Variants in PIWIL3 observed in about 807,000 individuals in gnomAD.
PIWIL3 encodes piwi-like protein 3.
Under a neutral mutation model 109.7 loss-of-function variants are expected in PIWIL3, and 101 were observed. The observed-to-expected ratio is 0.92, with a 90% CI of 0.78 to 1.09. The LOEUF is 1.09. Ranked by LOEUF, PIWIL3 falls within the 50% of genes least tolerant of loss-of-function variation. The probability of loss-of-function intolerance (pLI) is 0.00; values close to 1 mark genes in which losing one functional copy is unlikely to be tolerated. For missense variants in PIWIL3, 1,031 were observed against 1,072.6 expected, an observed-to-expected ratio of 0.96 and a Z score of 0.54; for synonymous variants, 373 against 376.4, an observed-to-expected ratio of 0.99 and a Z score of 0.10.
At chr22:24,734,300 CAGT>C in intron 13 of PIWIL3, 144 bp from the exon 14 acceptor site, 1 of 1,321,160 alleles carries the variant, frequency 7.6e-7, no homozygotes, top group Non-Finnish European at 1.0e-6. Flanking sequence ...AGAAAAAAGA[CAGT>C]AGACTTTCAG....
At chr22:24,722,140 T>C (rs994567249) in intron 19 of PIWIL3, among the ~76,000 whole-genome samples, 1 of 152,170 alleles carries the variant, frequency 6.6e-6, no homozygotes, top group Non-Finnish European at 1.5e-5. Flanking sequence ...TGGAGTGCAG[T>C]GGCACGATCT....
At chr22:24,725,170 T>C (rs1922917101) in intron 17 of PIWIL3, 133 bp from the exon 18 acceptor site, 1 of 1,123,738 alleles carries the variant, frequency 8.9e-7, no homozygotes, top group Non-Finnish European at 1.3e-6. Flanking sequence ...GTCCTGTCTA[T>C]TCTGGGGTTC....
intron 14 of PIWIL3, among the ~76,000 whole-genome samples, chr22:24,731,731 T>A (rs1324325332): frequency 1.3e-5 from 2 of 152,128 alleles, no homozygotes; most frequent in Non-Finnish European, 2.9e-5. Flanking sequence ...TTAGAAGGTA[T>A]ATAAGCTCTG....
chr22:24,729,017 CT>C (rs1319027057), intron 14 of PIWIL3, among the ~76,000 whole-genome samples: 4 of 152,146 alleles, frequency 2.6e-5, no homozygotes, highest in Non-Finnish European at 4.4e-5. Flanking sequence ...CGCAGAAATG[CT>C]TTTGTTCTTT....
At chr22:24,763,417 C>T (rs1925571288) in intron 1 of PIWIL3, among the ~76,000 whole-genome samples, 1 of 152,186 alleles carries the variant, frequency 6.6e-6, no homozygotes, top group Non-Finnish European at 1.5e-5. Context: ...TCTCCTGCCT[C>T]AGCCTCCTGA....
chr22:24,748,790 T>C (rs1924522567), intron 12 of PIWIL3, 117 bp downstream of exon 12: 1 of 730,866 alleles, frequency 1.4e-6, no homozygotes, highest in Non-Finnish European at 2.2e-6. Context: ...ATAGAAAGAA[T>C]GAGCAGTCTG....
At chr22:24,763,983 G>A (rs9612758) in intron 1 of PIWIL3, among the ~76,000 whole-genome samples, 33,541 of 152,170 alleles carry the variant, frequency 0.22, 4,789 homozygotes, top group East Asian at 0.52. Flanking sequence ...GGTCAGAGGC[G>A]CAAAGCCCCT....
chr22:24,764,133 C>T (rs528113744), intron 1 of PIWIL3, among the ~76,000 whole-genome samples: 1 of 152,366 alleles, frequency 6.6e-6, no homozygotes, highest in East Asian at 1.9e-4. Context: ...GCAGGCGTCG[C>T]CCCCGCCCCA....
At chr22:24,758,744 C>T (rs1048160329) in intron 3 of PIWIL3, among the ~76,000 whole-genome samples, 3 of 152,138 alleles carry the variant, frequency 2.0e-5, no homozygotes, top group Non-Finnish European at 4.4e-5. Context: ...ATTTCTGTGA[C>T]AGACTAACTA....
chr22:24,756,400 AAAC>A, intron 5 of PIWIL3, 88 bp downstream of exon 5: 1 of 1,298,836 alleles, frequency 7.7e-7, no homozygotes, highest in South Asian at 1.4e-5. Context: ...ATGTCTCAAC[AAAC>A]AACTGCACAA....
At chr22:24,757,003 C>T (rs992494115) in intron 4 of PIWIL3, among the ~76,000 whole-genome samples, 1 of 145,306 alleles carries the variant, frequency 6.9e-6, no homozygotes, top group African/African-American at 2.6e-5. Context: ...CACTTGAACC[C>T]AGGAGGCAGA....
chr22:24,769,651 C>G (rs945095805), intron 1 of PIWIL3: 8 of 152,190 alleles, frequency 5.3e-5, no homozygotes, highest in African/African-American at 1.5e-4. Context: ...ACAAAATTAG[C>G]TGGGCATGTT....
At position 24,749,822 on chromosome 22, in the gene PIWIL3, G is replaced by C; in HGVS notation, c.1090-3C>G. ...ACTGTGACAATTTCTTTATGTTGCT[G>C]CTCAACAAACAAGAGACCAGCATGA... On this transcript the variant is annotated splice_region_variant and splice_polypyrimidine_tract_variant and intron_variant, in intron 9 of 20. Transcript: ENST00000616349. The C allele has an allele frequency of 1.2e-6, 2 of 1,613,406 alleles. No individual in the cohort carries two copies. Among genetic ancestry groups the C allele is most frequent in the Non-Finnish European group, 1.7e-6 (2 of 1,179,668 alleles).
chr22:24,743,215 G>A (rs1924112051), intron 12 of PIWIL3, among the ~76,000 whole-genome samples: 2 of 152,188 alleles, frequency 1.3e-5, no homozygotes, highest in African/African-American at 4.8e-5. Context: ...TGACATGGAT[G>A]TGGCAAGAAG....
intron 17 of PIWIL3, among the ~76,000 whole-genome samples, 189 bp downstream of exon 17, chr22:24,725,256 A>G (rs558542470): frequency 1.3e-5 from 2 of 152,332 alleles, no homozygotes; most frequent in East Asian, 3.9e-4. Context: ...CAACCTATGC[A>G]TGGTAGGATG....
chr22:24,764,401 C>G (rs1041843292), intron 1 of PIWIL3, among the ~76,000 whole-genome samples: 1 of 152,200 alleles, frequency 6.6e-6, no homozygotes, highest in East Asian at 1.9e-4. Context: ...AACCAACTCC[C>G]TGCTGGGGCC....
intron 1 of PIWIL3, among the ~76,000 whole-genome samples, chr22:24,773,991 G>A (rs1926284055): frequency 6.6e-6 from 1 of 152,126 alleles, no homozygotes; most frequent in South Asian, 2.1e-4. Flanking sequence ...GGGATTACAG[G>A]CATGAGCCAC....
At chr22:24,760,328 A>G (rs1022019769) in intron 2 of PIWIL3, among the ~76,000 whole-genome samples, 7 of 152,308 alleles carry the variant, frequency 4.6e-5, no homozygotes, top group African/African-American at 1.4e-4. Flanking sequence ...GAATTAGCAA[A>G]GTTACCCAAG....
At chr22:24,744,248 A>G (rs1038562306) in intron 12 of PIWIL3, among the ~76,000 whole-genome samples, 4 of 150,068 alleles carry the variant, frequency 2.7e-5, no homozygotes, top group Non-Finnish European at 4.4e-5. Context: ...ACCTATAAAG[A>G]CTCACATAGA....
Sources: allele counts gnomAD v4.1 joint callset (sites outside exome capture counted in the v4.1 genomes callset), GRCh38; gene constraint gnomAD v4.1.1; transcripts MANE v1.5; gene names NCBI Gene and HGNC (gene_info 2026-07-23, HGNC 2026-07-21).